The following GPATCH2 variants were observed in gnomAD, a reference collection of about 807,000 sequenced individuals.
GPATCH2 encodes the protein G patch domain-containing protein 2.
In GPATCH2, 51 loss-of-function variants were observed where a neutral mutation model predicts 58.0. The ratio of observed to expected loss-of-function variants is 0.88; its 90% CI spans 0.70 to 1.11. The LOEUF is 1.11. Among genes scored for constraint, GPATCH2 ranks in the 50% most tolerant of loss-of-function variants. GPATCH2 has a pLI of 0.00. For missense variants in GPATCH2, 625 were observed against 652.2 expected (o/e 0.96, Z 0.45); for synonymous variants, 222 against 218.5 (o/e 1.02, Z -0.14).
At chr1:217,453,911 G>A (rs947380806) in intron 8 of GPATCH2, among the ~76,000 whole-genome samples, 5 of 152,198 alleles carry the variant, frequency 3.3e-5, no homozygotes, top group South Asian at 4.1e-4. Context: ...AAGCAGCCTC[G>A]GACAAGCTGC....
chr1:217,531,964 T>C lies in GPATCH2; in HGVS notation c.1099-17075A>G, dbSNP rs549943104. On this transcript the variant is annotated intron_variant, in intron 5 of 9. Coordinates refer to ENST00000366935, the MANE Select transcript of GPATCH2 (RefSeq NM_018040.5). ...TATTTCTTGAATTGTTTCACAGTAT[T>C]AACTATGAGTTCTGTGGACATTAAA... Among the ~76,000 whole-genome samples, 9 of 152,334 alleles carry C rather than the reference T, an allele frequency of 5.9e-5. No homozygotes were observed. In the South Asian group the frequency reaches 1.9e-3, roughly 32 times the overall value.
intron 7 of GPATCH2, among the ~76,000 whole-genome samples, chr1:217,494,555 A>G (rs1485495687): frequency 6.6e-6 from 1 of 152,192 alleles, no homozygotes; most frequent in Non-Finnish European, 1.5e-5. Flanking sequence ...CCTGGCCAAC[A>G]TAGCGAAACC....
intron 6 of GPATCH2, among the ~76,000 whole-genome samples, chr1:217,501,566 T>G (rs929081464): frequency 2.0e-5 from 3 of 152,144 alleles, no homozygotes; most frequent in Non-Finnish European, 1.5e-5. Flanking sequence ...CAGCAATGTA[T>G]GAGTAATCCA....
chr1:217,544,806 A>G (rs556486121), intron 5 of GPATCH2, among the ~76,000 whole-genome samples: 6 of 152,354 alleles, frequency 3.9e-5, no homozygotes, highest in African/African-American at 1.4e-4. Flanking sequence ...TACAAATAAA[A>G]TATAAATGAA....
At chr1:217,465,865 A>G (rs948802904) in intron 8 of GPATCH2, among the ~76,000 whole-genome samples, 5 of 152,252 alleles carry the variant, frequency 3.3e-5, no homozygotes, top group Admixed American at 2.6e-4. Context: ...ATTAGAATGT[A>G]GTCTAGTCAA....
chr1:217,457,806 C>T (rs916280689), intron 8 of GPATCH2, among the ~76,000 whole-genome samples: 1 of 152,186 alleles, frequency 6.6e-6, no homozygotes, highest in African/African-American at 2.4e-5. Flanking sequence ...GAATGAAACA[C>T]TCATTTTCAT....
chr1:217,458,167 T>C (rs1482151242), intron 8 of GPATCH2, among the ~76,000 whole-genome samples: 1 of 152,122 alleles, frequency 6.6e-6, no homozygotes, highest in Non-Finnish European at 1.5e-5. Context: ...GAGGCGGAGC[T>C]TGCAGTGAGC....
At chr1:217,478,829 A>G (rs1661082972) in intron 8 of GPATCH2, among the ~76,000 whole-genome samples, 1 of 152,190 alleles carries the variant, frequency 6.6e-6, no homozygotes, top group Non-Finnish European at 1.5e-5. Flanking sequence ...AACATTTAAT[A>G]ATCAAACTCC....
At chr1:217,578,074 C>A (rs991867928) in intron 5 of GPATCH2, among the ~76,000 whole-genome samples, 1 of 126,174 alleles carries the variant, frequency 7.9e-6, no homozygotes. Context: ...GCAAACTCCA[C>A]TTCATGGGGG....
intron 6 of GPATCH2, 111 bp downstream of exon 6, chr1:217,514,711 T>C (rs1663034836): frequency 3.7e-6 from 2 of 540,226 alleles, no homozygotes; most frequent in Admixed American, 6.1e-5. Flanking sequence ...TTATACTTAC[T>C]CTTTTTAAAA....
chr1:217,550,293 G>A (rs536035767), intron 5 of GPATCH2, among the ~76,000 whole-genome samples: 1 of 152,140 alleles, frequency 6.6e-6, no homozygotes, highest in African/African-American at 2.4e-5. Flanking sequence ...CTACCACATA[G>A]TAAGTGCCCA....
rs111244657 is a variant in GPATCH2 at position 217,623,321 on chromosome 1, C to T, written c.57-2822G>A. 4.2e-3 allele frequency among the ~76,000 whole-genome samples: 633 copies of T among 152,186 alleles called. 5 individuals are homozygous for T. The highest frequency in any genetic ancestry group is 0.015 in the African/African-American group (608 of 41,520). On this transcript the variant is annotated intron_variant, in intron 1 of 9. Transcript: ENST00000366935. ...TTGGATATTACAATTTAGTGCTTTA[C>T]TGCAGCACAGAACATTTATAGTACT...
At chr1:217,461,096 T>C (rs556960724) in intron 8 of GPATCH2, among the ~76,000 whole-genome samples, 2 of 152,274 alleles carry the variant, frequency 1.3e-5, no homozygotes, top group South Asian at 4.1e-4. Flanking sequence ...CAAAGAAAAA[T>C]GTGCTTGCTA....
chr1:217,538,223 T>A (rs772551696), intron 5 of GPATCH2, among the ~76,000 whole-genome samples: 15 of 152,222 alleles, frequency 9.9e-5, no homozygotes, highest in Non-Finnish European at 1.9e-4. Context: ...ATGATGTGAC[T>A]CACATACATG....
chr1:217,534,149 G>A (rs1414566803), intron 5 of GPATCH2, among the ~76,000 whole-genome samples: 5 of 152,104 alleles, frequency 3.3e-5, no homozygotes, highest in Non-Finnish European at 7.4e-5. Context: ...CCAGGAAGTG[G>A]AGGTTGCAGT....
chr1:217,544,501 C>A (rs1310867297), intron 5 of GPATCH2, among the ~76,000 whole-genome samples: 1 of 152,198 alleles, frequency 6.6e-6, no homozygotes, highest in Non-Finnish European at 1.5e-5. Flanking sequence ...TTTGTCAGCT[C>A]TTCTCTCCAC....
chr1:217,466,436 G>A (rs1660451829), intron 8 of GPATCH2, among the ~76,000 whole-genome samples: 1 of 152,000 alleles, frequency 6.6e-6, no homozygotes, highest in East Asian at 1.9e-4. Context: ...TATGGCCCAG[G>A]CAGGTCTCAA....
At chr1:217,543,269 G>GTTTTTTT (rs397860651) in intron 5 of GPATCH2, among the ~76,000 whole-genome samples, 1 of 105,700 alleles carries the variant, frequency 9.5e-6, no homozygotes. Flanking sequence ...TGATGCGAAC[G>GTTTTTTT]TTTTTTTTTT....
chr1:217,585,740 T>C (rs937585480), intron 5 of GPATCH2, among the ~76,000 whole-genome samples: 3 of 152,206 alleles, frequency 2.0e-5, no homozygotes, highest in African/African-American at 7.2e-5. Context: ...ACTAAAGCCA[T>C]GCATTGCTTA....
Sources: allele counts gnomAD v4.1 joint callset (sites outside exome capture counted in the v4.1 genomes callset), GRCh38; gene constraint gnomAD v4.1.1; transcripts MANE v1.5; gene names NCBI Gene and HGNC (gene_info 2026-07-23, HGNC 2026-07-21).